SLC24A2: variants seen among roughly 807,000 people sequenced by gnomAD.
The protein encoded by SLC24A2 is solute carrier family 24 member 2.
SLC24A2 carries 36 observed loss-of-function variants against 62.0 expected under a neutral mutation model. The observed-to-expected ratio is 0.58, with a 90% CI of 0.44 to 0.77. The LOEUF is 0.77. Among genes scored for constraint, SLC24A2 ranks in the 30% least tolerant of loss-of-function variants. The pLI, the probability that SLC24A2 is intolerant of heterozygous loss-of-function variation, is 0.00. For missense variants in SLC24A2, 846 were observed against 817.9 expected (o/e 1.03, Z -0.42); for synonymous variants, 358 against 294.0 (o/e 1.22, Z -2.23).
At chr9:19,721,480 T>C (rs1821023362) in intron 2 of SLC24A2, among the ~76,000 whole-genome samples, 1 of 152,180 alleles carries the variant, frequency 6.6e-6, no homozygotes, top group Non-Finnish European at 1.5e-5. Flanking sequence ...TGTGTTCCAA[T>C]ATAACTAAAC....
In SLC24A2 at chr9:19,746,795, T is replaced by A. The variant is rs75691962; in HGVS notation, c.930+39142A>T. On this transcript the variant is annotated intron_variant, in intron 2 of 10. Coordinates refer to ENST00000341998, the MANE Select transcript of SLC24A2 (RefSeq NM_020344.4). Reference sequence around the variant, plus strand: ...TGGTGCTTATTTTTAGTCACACTTATCTTGTTGATTTATGAGACAGCTAGC... The same window carrying A: ...TGGTGCTTATTTTTAGTCACACTTAACTTGTTGATTTATGAGACAGCTAGC... Among the ~76,000 whole-genome samples, 1,102 of 152,278 alleles carry A rather than the reference T, an allele frequency of 7.2e-3. 10 individuals carry two copies. Among genetic ancestry groups the A allele is most frequent in the African/African-American group, 0.023 (953 of 41,580 alleles).
chr9:20,146,987 T>C, the SLC24A2 span, among the ~76,000 whole-genome samples: 1 of 152,120 alleles, frequency 6.6e-6, no homozygotes, highest in African/African-American at 2.4e-5. Flanking sequence ...CTTGATAGCA[T>C]GTGATGATAG....
chr9:19,796,395 G>T, the SLC24A2 span, among the ~76,000 whole-genome samples: 1 of 151,884 alleles, frequency 6.6e-6, no homozygotes, highest in African/African-American at 2.4e-5. Context: ...TTTCTTCCTT[G>T]ACAGCCCATG....
At chr9:19,952,704 T>C in the SLC24A2 span, among the ~76,000 whole-genome samples, 1 of 150,830 alleles carries the variant, frequency 6.6e-6, no homozygotes, top group Non-Finnish European at 1.5e-5. Context: ...CAATCGTCTG[T>C]AGTTTTCTTG....
At chr9:19,759,149 C>G (rs556922769) in intron 2 of SLC24A2, among the ~76,000 whole-genome samples, 1 of 152,312 alleles carries the variant, frequency 6.6e-6, no homozygotes, top group South Asian at 2.1e-4. Flanking sequence ...CCACTTAGAT[C>G]TGGAATACAA....
At chr9:19,558,444 G>A (rs927743872) in intron 7 of SLC24A2, among the ~76,000 whole-genome samples, 1 of 152,126 alleles carries the variant, frequency 6.6e-6, no homozygotes, top group Non-Finnish European at 1.5e-5. Context: ...GGAGGAGGTG[G>A]CAACCAAGTG....
the SLC24A2 span, among the ~76,000 whole-genome samples, chr9:20,095,948 TG>T: frequency 5.9e-5 from 9 of 152,154 alleles, no homozygotes; most frequent in East Asian, 1.2e-3. Flanking sequence ...GAGAACAGTA[TG>T]GGGGAAACCA....
At chr9:20,011,996 A>G in the SLC24A2 span, among the ~76,000 whole-genome samples, 17 of 152,222 alleles carry the variant, frequency 1.1e-4, no homozygotes, top group African/African-American at 4.1e-4. Context: ...CCTTCTCATG[A>G]TAAAAACTTT....
chr9:20,228,875 T>G, the SLC24A2 span, among the ~76,000 whole-genome samples: 1 of 151,942 alleles, frequency 6.6e-6, no homozygotes, highest in African/African-American at 2.4e-5. Context: ...CAGACACTGG[T>G]AAATGGAGGG....
At chr9:20,010,707 G>A in the SLC24A2 span, among the ~76,000 whole-genome samples, 7 of 151,656 alleles carry the variant, frequency 4.6e-5, no homozygotes, top group African/African-American at 7.3e-5. Flanking sequence ...TGTGCTGCAC[G>A]CGTTAACTCG....
Position 19,632,403 on chromosome 9 carries a change from G to A in SLC24A2, c.931-10104C>T, listed in dbSNP as rs1230682129. On this transcript the variant is annotated intron_variant, in intron 2 of 10. Transcript: ENST00000341998. The surrounding 1 kb of genome is among the most constrained non-coding windows in gnomAD (Gnocchi z 4.5). The stretch of plus-strand genomic sequence containing the variant: ...TCTTATATGTGCTACATTTTTCTAG[G>A]TGCAGGGATAAAACAGTGACCAAAA... Among the ~76,000 whole-genome samples the A allele has an allele frequency of 6.6e-6, 1 of 152,030 alleles. No homozygotes were observed. Among genetic ancestry groups the A allele is most frequent in the Non-Finnish European group, 1.5e-5 (1 of 68,014 alleles).
chr9:19,556,003 T>C (rs1835071036), intron 7 of SLC24A2, among the ~76,000 whole-genome samples: 1 of 152,194 alleles, frequency 6.6e-6, no homozygotes, highest in African/African-American at 2.4e-5. Flanking sequence ...TGGTAACAAA[T>C]TGATAACTGC....
At chr9:19,557,450 C>T (rs1167408734) in intron 7 of SLC24A2, among the ~76,000 whole-genome samples, 1 of 152,164 alleles carries the variant, frequency 6.6e-6, no homozygotes, top group East Asian at 1.9e-4. Flanking sequence ...GAAGTAGGTA[C>T]AAAATAATAC....
intron 2 of SLC24A2, among the ~76,000 whole-genome samples, chr9:19,734,182 G>A (rs1821426334): frequency 6.6e-6 from 1 of 152,016 alleles, no homozygotes; most frequent in South Asian, 2.1e-4. Context: ...GTTTGTCAAA[G>A]ATCAGATAGT....
intron 5 of SLC24A2, among the ~76,000 whole-genome samples, chr9:19,591,062 A>T (rs1468054981): frequency 6.6e-6 from 1 of 151,878 alleles, no homozygotes; most frequent in Admixed American, 6.6e-5. Flanking sequence ...CGGACTCTAG[A>T]CTTTGGAGTC....
chr9:19,784,021 G>C (rs1316577939), intron 2 of SLC24A2, among the ~76,000 whole-genome samples: 1 of 152,094 alleles, frequency 6.6e-6, no homozygotes, highest in Non-Finnish European at 1.5e-5. Flanking sequence ...CCAAATTTTA[G>C]AACACACAAT....
At chr9:19,775,944 C>G (rs137933526) in intron 2 of SLC24A2, among the ~76,000 whole-genome samples, 1 of 152,230 alleles carries the variant, frequency 6.6e-6, no homozygotes, top group African/African-American at 2.4e-5. Context: ...ACTAAGGCCA[C>G]AGCCCTTTGG....
the SLC24A2 span, among the ~76,000 whole-genome samples, chr9:20,056,708 C>T: frequency 6.6e-6 from 1 of 152,136 alleles, no homozygotes; most frequent in Admixed American, 6.5e-5. Context: ...TGATCTCTGC[C>T]ACTTCAACCC....
At chr9:19,737,980 T>C (rs796447640) in intron 2 of SLC24A2, among the ~76,000 whole-genome samples, 38 of 152,328 alleles carry the variant, frequency 2.5e-4, no homozygotes, top group Admixed American at 1.9e-3. Context: ...CTGCAAAATA[T>C]TGCTCAGATG....
Sources: gnomAD v4.1 joint callset for allele counts (sites outside exome capture counted in the v4.1 genomes callset) on GRCh38, gnomAD v4.1.1 for gene constraint, Gnocchi (gnomAD v3.1) non-coding constraint, MANE v1.5 for transcripts, NCBI Gene and HGNC (gene_info 2026-07-23, HGNC 2026-07-21) for gene names.